The following ULK4 variants were observed in gnomAD, a reference collection of about 807,000 sequenced individuals.
ULK4 encodes the protein unc-51 like kinase 4.
A neutral mutation model predicts 160.6 loss-of-function variants in ULK4; 133 were observed. The observed-to-expected ratio is 0.83, with a 90% CI of 0.72 to 0.96. The LOEUF is 0.96. ULK4 is among the 40% of genes least tolerant of loss of function. ULK4 has a pLI of 0.00. For missense variants in ULK4, 1,580 were observed against 1,499.5 expected, an observed-to-expected ratio of 1.05 and a Z score of -0.89; for synonymous variants, 534 against 539.8, an observed-to-expected ratio of 0.99 and a Z score of 0.15.
At chr3:41,723,046 TTA>T (rs1191987761) in intron 22 of ULK4, among the ~76,000 whole-genome samples, 5 of 152,322 alleles carry the variant, frequency 3.3e-5, no homozygotes, top group African/African-American at 1.2e-4. Flanking sequence ...TCCCTCTGAG[TTA>T]CAACCTCACC....
In ULK4 at chr3:41,954,764, G is replaced by A. The variant is rs776623222; in HGVS notation, c.-5C>T. 2.9e-5 allele frequency: 47 copies of A among 1,608,456 alleles called. No individual in the cohort carries two copies. The highest frequency in any genetic ancestry group is 3.8e-5 in the Non-Finnish European group (45 of 1,177,918). Reference sequence around the variant, plus strand: ...ATACAGAATAAAGTTTTCCATCTCTGGGCCGACTTCTCACATACAATAGAA... The same window carrying A: ...ATACAGAATAAAGTTTTCCATCTCTAGGCCGACTTCTCACATACAATAGAA... On this transcript the variant is annotated 5_prime_UTR_variant, in exon 2 of 37. Coordinates refer to ENST00000301831, the MANE Select transcript of ULK4 (RefSeq NM_017886.4).
intron 34 of ULK4, among the ~76,000 whole-genome samples, chr3:41,426,394 C>A (rs1281016897): frequency 1.3e-5 from 2 of 152,162 alleles, no homozygotes; most frequent in Non-Finnish European, 2.9e-5. Flanking sequence ...ATATTCAGGA[C>A]TTGAATTCAG....
At chr3:41,902,485 G>A (rs1430880046) in intron 12 of ULK4, among the ~76,000 whole-genome samples, 1 of 151,646 alleles carries the variant, frequency 6.6e-6, no homozygotes, top group Non-Finnish European at 1.5e-5. Flanking sequence ...GGCTGAGGCA[G>A]GAGAATCGCT....
intron 31 of ULK4, among the ~76,000 whole-genome samples, chr3:41,609,422 C>G (rs1014333043): frequency 7.2e-5 from 11 of 152,190 alleles, no homozygotes; most frequent in African/African-American, 2.6e-4. Flanking sequence ...ATGACAGAAG[C>G]CACCAAGAAG....
At chr3:41,921,614 CTAAA>C (rs144668074) in intron 5 of ULK4, among the ~76,000 whole-genome samples, 17 of 151,752 alleles carry the variant, frequency 1.1e-4, no homozygotes, top group African/African-American at 3.6e-4. Context: ...GACTCCGTCT[CTAAA>C]TAAATAAATA....
chr3:41,862,818 T>C (rs553877432), intron 17 of ULK4, among the ~76,000 whole-genome samples: 109 of 141,074 alleles, frequency 7.7e-4, no homozygotes, highest in African/African-American at 2.7e-3. Flanking sequence ...TCTCTCTCCC[T>C]CTTTCTCTGT....
rs35695794 is a variant in ULK4 at position 41,762,655 on chromosome 3, C to CTTTT, written c.2194-8171_2194-8168dup. 2.1e-3 allele frequency among the ~76,000 whole-genome samples: 190 copies of CTTTT among 88,994 alleles called. 5 individuals are homozygous for CTTTT. Among genetic ancestry groups the CTTTT allele is most frequent in the Non-Finnish European group, 2.8e-3 (131 of 46,660 alleles). 58.4% of individuals were successfully genotyped at this position (88,994 alleles called of 152,430 possible). On this transcript the variant is annotated intron_variant, in intron 21 of 36. Transcript: ENST00000301831. Reference sequence around the variant, plus strand: ...AGCAAGAGAGCCAGGAAGTGTTACACTTTTTTTTTTTTTTTTTTTTTTTTT... The same window carrying CTTTT: ...AGCAAGAGAGCCAGGAAGTGTTACACTTTTTTTTTTTTTTTTTTTTTTTTTTTTT...
intron 35 of ULK4, among the ~76,000 whole-genome samples, chr3:41,366,098 C>T (rs1331298948): frequency 1.3e-5 from 2 of 152,180 alleles, no homozygotes; most frequent in Admixed American, 1.3e-4. Flanking sequence ...ATTTCAAAAG[C>T]TGGGGATGTC....
chr3:41,465,400 C>T (rs899301918), intron 32 of ULK4, among the ~76,000 whole-genome samples: 6 of 152,260 alleles, frequency 3.9e-5, no homozygotes, highest in African/African-American at 1.4e-4. Context: ...GATAAAGACT[C>T]GTTTTTAACT....
chr3:41,259,609 A>G (rs1371899603), intron 35 of ULK4, among the ~76,000 whole-genome samples: 1 of 152,226 alleles, frequency 6.6e-6, no homozygotes, highest in Non-Finnish European at 1.5e-5. Context: ...TCAGGAATTT[A>G]TGCTCACAAA....
At chr3:41,494,556 CAT>C (rs1334931222) in intron 32 of ULK4, among the ~76,000 whole-genome samples, 2 of 151,766 alleles carry the variant, frequency 1.3e-5, no homozygotes, top group African/African-American at 4.8e-5. Context: ...TCCTATTCAA[CAT>C]AGTGTTGGAA....
intron 32 of ULK4, among the ~76,000 whole-genome samples, chr3:41,554,788 T>A (rs2087224708): frequency 6.6e-6 from 1 of 152,262 alleles, no homozygotes; most frequent in South Asian, 2.1e-4. Context: ...ATTCTATGTA[T>A]CAAAATATCA....
intron 35 of ULK4, among the ~76,000 whole-genome samples, chr3:41,351,280 G>A (rs549304732): frequency 4.5e-4 from 69 of 152,306 alleles, no homozygotes; most frequent in Middle Eastern, 6.8e-3. Context: ...ACTTCTGTGG[G>A]ATTGGTAGTG....
At chr3:41,310,244 T>G (rs1215822743) in intron 35 of ULK4, among the ~76,000 whole-genome samples, 1 of 152,228 alleles carries the variant, frequency 6.6e-6, no homozygotes, top group African/African-American at 2.4e-5. Flanking sequence ...ACATTGTGAA[T>G]TAATACACAA....
chr3:41,454,265 C>T (rs1255869314), intron 34 of ULK4, among the ~76,000 whole-genome samples: 8 of 149,182 alleles, frequency 5.4e-5, no homozygotes, highest in East Asian at 2.0e-4. Flanking sequence ...TTAGGCCAGG[C>T]GTGGTGGCTC....
At chr3:41,786,036 CT>C (rs2039988260) in intron 21 of ULK4, among the ~76,000 whole-genome samples, 1 of 152,170 alleles carries the variant, frequency 6.6e-6, no homozygotes, top group Non-Finnish European at 1.5e-5. Flanking sequence ...GAGGCCTTCC[CT>C]GACTGTTCTC....
At position 41,696,172 on chromosome 3, in the gene ULK4, TGA is replaced by T. The variant is rs1252453630; in HGVS notation, c.2781+8883_2781+8884del. ...TCCACCTCTTGTGGAAGGCCTGACA[TGA>T]GTCAGGCCCACCCGCAGTTATCCAG... is the stretch of plus-strand genomic sequence containing the variant. On this transcript the variant is annotated intron_variant, in intron 27 of 36. Transcript: ENST00000301831. Among the ~76,000 whole-genome samples, 464 of 152,296 alleles carry T rather than the reference TGA, an allele frequency of 3.0e-3. 8 individuals are homozygous for T. In the South Asian group the frequency reaches 0.042, roughly 14 times the overall value.
rs1019096818 is a variant in ULK4 at position 41,690,420 on chromosome 3, A to G, written c.2782-8616T>C. ...ACTAACCTGCACATTGTGCACATGT[A>G]CCCTAAAGTATAATAATAATAAAAT... On this transcript the variant is annotated intron_variant, in intron 27 of 36. Transcript: ENST00000301831. Among the ~76,000 whole-genome samples the G allele has an allele frequency of 1.6e-4, 24 of 151,510 alleles. 1 individual carries two copies. Among genetic ancestry groups the G allele is most frequent in the Non-Finnish European group, 2.5e-4 (17 of 67,778 alleles).
intron 35 of ULK4, among the ~76,000 whole-genome samples, chr3:41,272,579 G>A (rs1192148295): frequency 1.4e-5 from 2 of 143,124 alleles, no homozygotes; most frequent in Non-Finnish European, 3.0e-5. Context: ...ATATACCTTG[G>A]TGTATTTTTT....
Sources: allele counts gnomAD v4.1 joint callset (sites outside exome capture counted in the v4.1 genomes callset), GRCh38; gene constraint gnomAD v4.1.1; transcripts MANE v1.5; gene names NCBI Gene and HGNC (gene_info 2026-07-23, HGNC 2026-07-21).